Variants in PM20D2 observed in about 807,000 individuals in gnomAD.
PM20D2 encodes the protein xaa-Arg dipeptidase.
Under a neutral mutation model 42.9 loss-of-function variants are expected in PM20D2, and 33 were observed. That is an observed-to-expected ratio of 0.77 (90% CI 0.58 to 1.03). The LOEUF (loss-of-function observed/expected upper bound fraction) is 1.03, where lower values mean the gene tolerates loss of function less well. PM20D2 is among the 50% of genes least tolerant of loss of function. PM20D2 has a pLI of 0.00. For synonymous variants in PM20D2, 250 were observed against 228.2 expected (o/e 1.10, Z -0.86); for missense variants, 548 against 557.0 (o/e 0.98, Z 0.16).
At chr6:89,159,042 A>C (rs1771146552) in intron 5 of PM20D2, among the ~76,000 whole-genome samples, 1 of 152,180 alleles carries the variant, frequency 6.6e-6, no homozygotes, top group Non-Finnish European at 1.5e-5. Flanking sequence ...AAGGAGTTCA[A>C]GAGAAAGAGC....
rs1214932888 is a variant in PM20D2, at chr6:89,146,385, T to A, written c.241T>A (p.Tyr81Asn). 2.0e-6 allele frequency: 3 copies of A among 1,534,710 alleles called. No individual in the cohort carries two copies. The highest frequency in any genetic ancestry group is 2.6e-6 in the Non-Finnish European group (3 of 1,148,234). Residue 81 changes from tyrosine to asparagine, a missense_variant, in exon 1 of 7, where the codon TAC becomes AAC. This residue lies in a region of PM20D2 where 470 missense variants were observed against 464.4 expected (regional missense o/e 1.01). Coordinates refer to ENST00000275072, the MANE Select transcript of PM20D2 (RefSeq NM_001010853.3). ...GGCCTCCTGGGCAGTGCAGCCGCAC[T>A]ACCAGCTGCCCACGGCCTTCCGCGC... Reference protein sequence around the residue: ...PAASWAVQPHYQLPTAFRAEW... With the variant: ...PAASWAVQPHNQLPTAFRAEW...
At chr6:89,100,802 T>C in the PM20D2 span, among the ~76,000 whole-genome samples, 9 of 152,170 alleles carry the variant, frequency 5.9e-5, no homozygotes, top group Non-Finnish European at 1.3e-4. Flanking sequence ...GCAATCTAGA[T>C]ATAGCAGAAG....
rs1770649489 is a variant in PM20D2, at chr6:89,147,812, G to T, written c.465+1203G>T. Among the ~76,000 whole-genome samples, 5 of 150,532 alleles carry T rather than the reference G, an allele frequency of 3.3e-5. No individual in the cohort carries two copies. In the South Asian group the frequency reaches 1.1e-3, roughly 32 times the overall value. The stretch of plus-strand genomic sequence containing the variant: ...GGAGGCTGAGGCAGGAGAATCGCTT[G>T]AACCCAGGAGGCAGAGGTTGCAGTG... On this transcript the variant is annotated intron_variant, in intron 1 of 6. Transcript: ENST00000275072.
At chr6:89,114,603 T>TA in the PM20D2 span, among the ~76,000 whole-genome samples, 153 of 134,068 alleles carry the variant, frequency 1.1e-3, 1 homozygote, top group Middle Eastern at 3.9e-3. Context: ...GTGGCAAAGC[T>TA]AAAAAAAAAA....
At chr6:89,118,016 C>A in the PM20D2 span, 34 of 954,658 alleles carry the variant, frequency 3.6e-5, no homozygotes, top group Non-Finnish European at 4.1e-5. Flanking sequence ...GCCTCAGCCC[C>A]GCCAGCGCGC....
At chr6:89,153,006 T>C (rs6937095) in intron 2 of PM20D2, 37 bp from the exon 3 acceptor site, 426,696 of 1,521,508 alleles carry the variant, frequency 0.28, 62,156 homozygotes, top group South Asian at 0.3. Context: ...TTAGCAATAA[T>C]AACAAAAGTA....
the PM20D2 span, among the ~76,000 whole-genome samples, chr6:89,135,853 A>G: frequency 2.0e-5 from 3 of 151,264 alleles, no homozygotes; most frequent in Non-Finnish European, 4.4e-5. Flanking sequence ...TCTGGTGACT[A>G]GAAGCATTTC....
chr6:89,114,253 C>A, the PM20D2 span, among the ~76,000 whole-genome samples: 1 of 152,110 alleles, frequency 6.6e-6, no homozygotes, highest in Non-Finnish European at 1.5e-5. Context: ...CATGATGAAA[C>A]CCCGTCTCTA....
chr6:89,159,745 A>G (rs1268312488), intron 5 of PM20D2, among the ~76,000 whole-genome samples: 4 of 152,332 alleles, frequency 2.6e-5, no homozygotes, highest in South Asian at 2.1e-4. Context: ...CACAGTGAGC[A>G]TTGAGCTGGT....
At chr6:89,129,920 G>T in the PM20D2 span, among the ~76,000 whole-genome samples, 1 of 151,874 alleles carries the variant, frequency 6.6e-6, no homozygotes, top group Non-Finnish European at 1.5e-5. Flanking sequence ...TTTCTTTGTA[G>T]AGATGGGGTC....
the PM20D2 span, among the ~76,000 whole-genome samples, chr6:89,102,976 G>T: frequency 1.3e-5 from 2 of 152,086 alleles, no homozygotes; most frequent in African/African-American, 4.8e-5. Context: ...TGTTGCCCAG[G>T]CTGGTCTCTC....
chr6:89,147,499 A>G (rs1770629793), intron 1 of PM20D2, among the ~76,000 whole-genome samples: 1 of 150,778 alleles, frequency 6.6e-6, no homozygotes, highest in Non-Finnish European at 1.5e-5. Flanking sequence ...TCGTTTTTGC[A>G]TTTGTTAGGT....
the PM20D2 span, among the ~76,000 whole-genome samples, chr6:89,127,036 A>T: frequency 3.3e-5 from 5 of 152,218 alleles, no homozygotes; most frequent in East Asian, 5.8e-4. Flanking sequence ...GTTCATAATT[A>T]TACTAAAAAA....
chr6:89,095,098 T>C, the PM20D2 span, among the ~76,000 whole-genome samples: 1 of 152,214 alleles, frequency 6.6e-6, no homozygotes, highest in Non-Finnish European at 1.5e-5. Flanking sequence ...GGGTCTATTA[T>C]GCCACGTGAA....
the PM20D2 span, among the ~76,000 whole-genome samples, chr6:89,120,780 A>G: frequency 1.9e-3 from 286 of 152,194 alleles, 3 homozygotes; most frequent in African/African-American, 6.2e-3. Flanking sequence ...GGCTGAGGCA[A>G]GAGGATTGCT....
the PM20D2 span, among the ~76,000 whole-genome samples, chr6:89,108,219 A>G: frequency 6.6e-6 from 1 of 152,214 alleles, no homozygotes; most frequent in Non-Finnish European, 1.5e-5. Context: ...TGGAGCTACA[A>G]TTTAACTGAA....
chr6:89,162,359 A>C lies in PM20D2; in HGVS notation c.*96A>C. ...CATGCTTGTTTTTTAATCTTAAAGG[A>C]GTAAAATTCTTTTTACCTGATAAGT... On this transcript the variant is annotated 3_prime_UTR_variant, in exon 7 of 7. Coordinates refer to ENST00000275072, the MANE Select transcript of PM20D2 (RefSeq NM_001010853.3). The C allele has an allele frequency of 1.6e-6, 2 of 1,259,564 alleles. No homozygotes were observed. Among genetic ancestry groups the C allele is most frequent in the Non-Finnish European group, 2.2e-6 (2 of 920,392 alleles). 78.0% of individuals were successfully genotyped at this position (1,259,564 alleles called of 1,614,324 possible).
chr6:89,101,697 C>CA, the PM20D2 span, among the ~76,000 whole-genome samples: 1,137 of 149,964 alleles, frequency 7.6e-3, 16 homozygotes, highest in African/African-American at 0.027. Flanking sequence ...GACTCTGTCT[C>CA]AAAAAAAAAT....
chr6:89,158,883 TGTTA>T (rs138078527), intron 5 of PM20D2, among the ~76,000 whole-genome samples: 2,299 of 152,286 alleles, frequency 0.015, 53 homozygotes, highest in African/African-American at 0.051. Context: ...TTTGGGGTTA[TGTTA>T]GTTTTTTTTT....
Sources: allele counts gnomAD v4.1 joint callset (sites outside exome capture counted in the v4.1 genomes callset), GRCh38; gene constraint gnomAD v4.1.1; regional missense constraint gnomAD v4.1.1; transcripts MANE v1.5; gene names NCBI Gene and HGNC (gene_info 2026-07-23, HGNC 2026-07-21).